The following TMEM74 variants were observed in gnomAD, a reference collection of about 807,000 sequenced individuals.
TMEM74 encodes transmembrane protein 74.
Under a neutral mutation model 18.1 loss-of-function variants are expected in TMEM74, and 13 were observed. That is an observed-to-expected ratio of 0.72 (90% CI 0.47 to 1.14). TMEM74 has a LOEUF of 1.14. TMEM74 is among the 50% of genes most tolerant of loss of function. The probability of loss-of-function intolerance (pLI) is 0.00; values close to 1 mark genes in which losing one functional copy is unlikely to be tolerated. For missense variants in TMEM74, 372 were observed against 375.9 expected (o/e 0.99, Z 0.09); for synonymous variants, 159 against 146.6 (o/e 1.08, Z -0.61).
At chr8:108,642,488 G>T (rs975193159) in intron 2 of TMEM74, among the ~76,000 whole-genome samples, 1 of 151,884 alleles carries the variant, frequency 6.6e-6, no homozygotes, top group Admixed American at 6.6e-5. Context: ...AATCGACAAA[G>T]CTGGTAAACT....
intron 1 of TMEM74, among the ~76,000 whole-genome samples, chr8:108,731,707 C>T (rs1417063892): frequency 1.3e-5 from 2 of 152,128 alleles, no homozygotes; most frequent in Non-Finnish European, 2.9e-5. Flanking sequence ...GTGAATGAAA[C>T]AACCAGGTCA....
At chr8:108,761,910 C>T (rs1253834866) in intron 1 of TMEM74, among the ~76,000 whole-genome samples, 1 of 152,186 alleles carries the variant, frequency 6.6e-6, no homozygotes, top group Non-Finnish European at 1.5e-5. Context: ...AACAGACCCG[C>T]CACAGGGCTT....
intron 2 of TMEM74, among the ~76,000 whole-genome samples, chr8:108,611,672 G>A (rs1357816071): frequency 6.6e-6 from 1 of 152,128 alleles, no homozygotes; most frequent in Non-Finnish European, 1.5e-5. Context: ...AACGTCTTTG[G>A]TTTCATCTCC....
At chr8:108,662,534 A>G (rs185553254) in intron 1 of TMEM74, among the ~76,000 whole-genome samples, 1 of 152,190 alleles carries the variant, frequency 6.6e-6, no homozygotes, top group East Asian at 1.9e-4. Context: ...TAGTAGAACT[A>G]CCCTGCTTAT....
chr8:108,778,771 C>A (rs1316390356), downstream of TMEM74, among the ~76,000 whole-genome samples: 1 of 152,076 alleles, frequency 6.6e-6, no homozygotes, highest in Admixed American at 6.5e-5. Context: ...TTGTTTCTCA[C>A]CTAAAAGCTT....
intron 1 of TMEM74, among the ~76,000 whole-genome samples, chr8:108,701,678 CTG>C (rs1265846201): frequency 1.3e-5 from 2 of 152,018 alleles, no homozygotes; most frequent in African/African-American, 2.4e-5. Flanking sequence ...TTAGGCAAAA[CTG>C]TAACAAAATA....
chr8:108,645,527 G>A (rs540720681), intron 2 of TMEM74, among the ~76,000 whole-genome samples: 1 of 152,066 alleles, frequency 6.6e-6, no homozygotes, highest in Non-Finnish European at 1.5e-5. Context: ...GAGAAATCTG[G>A]GGTCAGTGAT....
rs557682396 is a variant in TMEM74, at chr8:108,614,954, G to A, written n.265-6128C>T. ...GAATTGTATGAATAGAATGTTCTGA[G>A]ACCTGCACCATACTAATAAAAACTG... On this transcript the variant is annotated intron_variant and non_coding_transcript_variant, in intron 2 of 3. Coordinates refer to the TMEM74 transcript ENST00000518838. 3.9e-5 allele frequency among the ~76,000 whole-genome samples: 6 copies of A among 152,130 alleles called. No homozygotes were observed. The South Asian group carries it at 6.2e-4, about 16-fold the overall frequency.
chr8:108,737,953 T>C (rs1440333720), intron 1 of TMEM74, among the ~76,000 whole-genome samples: 1 of 152,214 alleles, frequency 6.6e-6, no homozygotes, highest in Non-Finnish European at 1.5e-5. Context: ...ACTCACCTGC[T>C]GAATTTCATG....
chr8:108,768,214 C>T (rs960239476), intron 1 of TMEM74, among the ~76,000 whole-genome samples: 2 of 152,138 alleles, frequency 1.3e-5, no homozygotes, highest in Non-Finnish European at 2.9e-5. Flanking sequence ...CATACCTTGG[C>T]TAGTGACTAA....
intron 1 of TMEM74, among the ~76,000 whole-genome samples, chr8:108,684,085 ATTTAAT>A (rs1451787606): frequency 6.6e-6 from 1 of 152,018 alleles, no homozygotes; most frequent in African/African-American, 2.4e-5. Context: ...TGTTTCTTCA[ATTTAAT>A]GATTTCCTTT....
At chr8:108,629,042 G>T (rs573176044) in intron 2 of TMEM74, among the ~76,000 whole-genome samples, 1 of 151,988 alleles carries the variant, frequency 6.6e-6, no homozygotes, top group East Asian at 1.9e-4. Flanking sequence ...TTAGACCTTT[G>T]TCAGATGGAT....
intron 1 of TMEM74, among the ~76,000 whole-genome samples, chr8:108,770,935 A>G (rs1814164206): frequency 6.6e-6 from 1 of 152,014 alleles, no homozygotes; most frequent in Admixed American, 6.6e-5. Flanking sequence ...GAGGAGAATC[A>G]ATCCCATTTT....
chr8:108,630,174 G>A (rs956374826), intron 2 of TMEM74, among the ~76,000 whole-genome samples: 3 of 151,930 alleles, frequency 2.0e-5, no homozygotes, highest in African/African-American at 7.3e-5. Flanking sequence ...AAAAAAAGCA[G>A]GGGTTACAAT....
intron 1 of TMEM74, among the ~76,000 whole-genome samples, chr8:108,664,828 A>G (rs1455524798): frequency 6.6e-6 from 1 of 152,100 alleles, no homozygotes; most frequent in Non-Finnish European, 1.5e-5. Flanking sequence ...AGCCAGGTCT[A>G]GATCATAGAT....
intron 1 of TMEM74, among the ~76,000 whole-genome samples, chr8:108,709,621 T>C (rs964449698): frequency 5.9e-5 from 9 of 152,136 alleles, no homozygotes; most frequent in Non-Finnish European, 1.2e-4. Flanking sequence ...GTAGTGCCTA[T>C]AGTTAACAAT....
rs1586286215 is a variant in TMEM74, at chr8:108,756,599, A to AGAAAGGGAGGAAGGAAGGAAGG, written n.119+30876_119+30877insCCTTCCTTCCTTCCTCCCTTTC. ...AAGAAAGAAAGAAAGAAAGAAAGAG[A>AGAAAGGGAGGAAGGAAGGAAGG]AAGGAAGGAAGGAAGGAAGGAAGGA... is the stretch of plus-strand genomic sequence containing the variant. On this transcript the variant is annotated intron_variant and non_coding_transcript_variant, in intron 1 of 3. Coordinates refer to the TMEM74 transcript ENST00000518838. Among the ~76,000 whole-genome samples the AGAAAGGGAGGAAGGAAGGAAGG allele has an allele frequency of 7.8e-5, 4 of 51,526 alleles. 1 individual carries two copies. The highest frequency in any genetic ancestry group is 1.4e-4 in the Non-Finnish European group (4 of 27,710). 33.8% of individuals were successfully genotyped at this position (51,526 alleles called of 152,430 possible). A position where few individuals can be genotyped will look rare whatever the true frequency, so the allele number is the denominator to read the frequency against.
At chr8:108,675,516 G>C (rs946819117) in intron 1 of TMEM74, among the ~76,000 whole-genome samples, 1 of 152,136 alleles carries the variant, frequency 6.6e-6, no homozygotes, top group African/African-American at 2.4e-5. Flanking sequence ...TCGCATTAGA[G>C]TACCCAGCGA....
intron 1 of TMEM74, among the ~76,000 whole-genome samples, chr8:108,771,688 G>C (rs1479434546): frequency 6.6e-6 from 1 of 152,036 alleles, no homozygotes; most frequent in Non-Finnish European, 1.5e-5. Flanking sequence ...CCAGTTTATG[G>C]GCCTACACCA....
Sources: gnomAD v4.1 joint callset for allele counts (sites outside exome capture counted in the v4.1 genomes callset) on GRCh38, gnomAD v4.1.1 for gene constraint, MANE v1.5 for transcripts, NCBI Gene and HGNC (gene_info 2026-07-23, HGNC 2026-07-21) for gene names.